The following EXOC4 variants were observed in gnomAD, a reference collection of about 807,000 sequenced individuals.
EXOC4 encodes the protein exocyst complex component 4, also known as SEC8-like 1.
EXOC4 carries 71 observed loss-of-function variants against 107.2 expected under a neutral mutation model. That is an observed-to-expected ratio of 0.66 (90% CI 0.55 to 0.81). The LOEUF (loss-of-function observed/expected upper bound fraction) is 0.81. Ranked by LOEUF, EXOC4 falls within the 30% of genes least tolerant of loss-of-function variation. The probability of loss-of-function intolerance (pLI) is 0.00; values close to 1 mark genes in which losing one functional copy is unlikely to be tolerated. For synonymous variants in EXOC4, 456 were observed against 441.2 expected, an observed-to-expected ratio of 1.03 and a Z score of -0.42; for missense variants, 1,108 against 1,189.6, an observed-to-expected ratio of 0.93 and a Z score of 1.01.
At chr7:133,951,701 T>G (rs534362243) in intron 14 of EXOC4, among the ~76,000 whole-genome samples, 1 of 152,330 alleles carries the variant, frequency 6.6e-6, no homozygotes, top group Admixed American at 6.5e-5. Flanking sequence ...GCTCTTAAAT[T>G]TAACAGCCTT....
chr7:133,469,776 C>T (rs989101678), intron 7 of EXOC4, among the ~76,000 whole-genome samples: 1 of 152,210 alleles, frequency 6.6e-6, no homozygotes, highest in African/African-American at 2.4e-5. Flanking sequence ...AAGTCTGTCT[C>T]CTCTGGGTTT....
intron 9 of EXOC4, among the ~76,000 whole-genome samples, chr7:133,537,304 C>G (rs942187039): frequency 2.7e-5 from 4 of 149,082 alleles, no homozygotes; most frequent in South Asian, 2.2e-4. Context: ...GCACCCCCCC[C>G]CCCACCACAC....
chr7:133,533,958 A>G (rs1044942263), intron 9 of EXOC4, among the ~76,000 whole-genome samples: 5 of 152,150 alleles, frequency 3.3e-5, no homozygotes, highest in African/African-American at 1.2e-4. Flanking sequence ...TTGTCCTTGG[A>G]TAAAGGATCT....
intron 10 of EXOC4, among the ~76,000 whole-genome samples, chr7:133,654,594 G>A (rs1585057037): frequency 6.6e-6 from 1 of 152,106 alleles, no homozygotes; most frequent in South Asian, 2.1e-4. Flanking sequence ...TGAAGGGTAT[G>A]GTTGTATTAT....
At chr7:134,042,744 T>C (rs6950383) in intron 17 of EXOC4, among the ~76,000 whole-genome samples, 81,309 of 152,030 alleles carry the variant, frequency 0.53, 22,584 homozygotes, top group African/African-American at 0.68. Flanking sequence ...ATAATATCAG[T>C]AATGCTGCCC....
intron 9 of EXOC4, among the ~76,000 whole-genome samples, chr7:133,586,578 C>T (rs1383823265): frequency 6.6e-6 from 1 of 152,104 alleles, no homozygotes; most frequent in African/African-American, 2.4e-5. Flanking sequence ...GCTGTGATGA[C>T]CATACATGTG....
intron 2 of EXOC4, among the ~76,000 whole-genome samples, chr7:133,276,724 G>T (rs1794002045): frequency 6.6e-6 from 1 of 152,268 alleles, no homozygotes; most frequent in South Asian, 2.1e-4. Flanking sequence ...TATGAGATTG[G>T]TTAGGGGACT....
At chr7:133,871,557 A>T (rs1330302998) in intron 11 of EXOC4, among the ~76,000 whole-genome samples, 1 of 152,064 alleles carries the variant, frequency 6.6e-6, no homozygotes, top group Non-Finnish European at 1.5e-5. Flanking sequence ...TTTACTCTGG[A>T]TCCATGGTTA....
chr7:133,920,937 C>G (rs1019325847), intron 13 of EXOC4, among the ~76,000 whole-genome samples: 4 of 152,130 alleles, frequency 2.6e-5, no homozygotes, highest in African/African-American at 9.7e-5. Flanking sequence ...GAAATCTAGA[C>G]TGATGTATTA....
At chr7:133,309,020 T>C (rs1436144676) in intron 4 of EXOC4, among the ~76,000 whole-genome samples, 1 of 152,200 alleles carries the variant, frequency 6.6e-6, no homozygotes, top group Non-Finnish European at 1.5e-5. Flanking sequence ...ACTGGTATGC[T>C]CACTCTTTTA....
chr7:133,898,169 C>G (rs1306739639), intron 12 of EXOC4, among the ~76,000 whole-genome samples: 1 of 152,040 alleles, frequency 6.6e-6, no homozygotes, highest in Non-Finnish European at 1.5e-5. Context: ...TTAACAGTGT[C>G]AGTCTTTAGG....
At chr7:133,910,635 T>C (rs1799672348) in intron 12 of EXOC4, among the ~76,000 whole-genome samples, 1 of 152,258 alleles carries the variant, frequency 6.6e-6, no homozygotes, top group Non-Finnish European at 1.5e-5. Flanking sequence ...AGCATAATAC[T>C]ATTATCTTTG....
chr7:133,519,369 G>A (rs1268983818), intron 9 of EXOC4, among the ~76,000 whole-genome samples: 2 of 152,140 alleles, frequency 1.3e-5, no homozygotes, highest in Non-Finnish European at 2.9e-5. Context: ...GCTGCAGTAA[G>A]CTGAGATTAT....
At chr7:133,562,741 C>T (rs920629035) in intron 9 of EXOC4, among the ~76,000 whole-genome samples, 4 of 152,036 alleles carry the variant, frequency 2.6e-5, no homozygotes, top group African/African-American at 4.8e-5. Flanking sequence ...TTATTGGGTT[C>T]GTGTATCATA....
At chr7:133,613,123 C>G (rs1802109754) in intron 9 of EXOC4, among the ~76,000 whole-genome samples, 1 of 151,950 alleles carries the variant, frequency 6.6e-6, no homozygotes, top group Non-Finnish European at 1.5e-5. Context: ...AATGCACAAA[C>G]TATATATTGA....
chr7:133,924,811 T>G (rs1800015322), intron 13 of EXOC4, among the ~76,000 whole-genome samples: 1 of 152,216 alleles, frequency 6.6e-6, no homozygotes, highest in African/African-American at 2.4e-5. Context: ...TCCAATTTAT[T>G]TTGTTCAACA....
chr7:133,379,563 A>G (rs1157268772), intron 7 of EXOC4, among the ~76,000 whole-genome samples: 1 of 152,130 alleles, frequency 6.6e-6, no homozygotes, highest in Non-Finnish European at 1.5e-5. Flanking sequence ...GACATTTAGA[A>G]CTTGAATACA....
At chr7:133,660,037 A>G (rs1272778248) in intron 10 of EXOC4, among the ~76,000 whole-genome samples, 1 of 152,216 alleles carries the variant, frequency 6.6e-6, no homozygotes, top group Non-Finnish European at 1.5e-5. Context: ...ACCAACCTGC[A>G]GTGTCATGGA....
chr7:133,392,842 A>G (rs1261513512), intron 7 of EXOC4, among the ~76,000 whole-genome samples: 1 of 152,178 alleles, frequency 6.6e-6, no homozygotes, highest in African/African-American at 2.4e-5. Flanking sequence ...AAACTAGTCT[A>G]TTGGATAAGA....
Sources: allele counts gnomAD v4.1 joint callset (sites outside exome capture counted in the v4.1 genomes callset), GRCh38; gene constraint gnomAD v4.1.1; transcripts MANE v1.5; gene names NCBI Gene and HGNC (gene_info 2026-07-23, HGNC 2026-07-21).